ASIC2: variants seen among roughly 807,000 people sequenced by gnomAD.
The protein encoded by ASIC2 is acid sensing ion channel subunit 2, also known as acid-sensing ion channel 2.
ASIC2 carries 25 observed loss-of-function variants against 57.3 expected under a neutral mutation model. That is an observed-to-expected ratio of 0.44 (90% CI 0.32 to 0.61). The LOEUF (loss-of-function observed/expected upper bound fraction) is 0.61, where lower values mean the gene tolerates loss of function less well. Ranked by LOEUF, ASIC2 falls within the 20% of genes least tolerant of loss-of-function variation. The pLI, the probability that ASIC2 is intolerant of heterozygous loss-of-function variation, is 0.06. For synonymous variants in ASIC2, 319 were observed against 307.5 expected, an observed-to-expected ratio of 1.04 and a Z score of -0.39; for missense variants, 641 against 738.1, an observed-to-expected ratio of 0.87 and a Z score of 1.52.
chr17:33,848,215 A>G (rs1913666970), intron 1 of ASIC2, among the ~76,000 whole-genome samples: 1 of 152,144 alleles, frequency 6.6e-6, no homozygotes, highest in South Asian at 2.1e-4. Flanking sequence ...ATCCCATTCT[A>G]CTGGAGCTAA....
chr17:33,902,997 A>T (rs992777943), intron 1 of ASIC2, among the ~76,000 whole-genome samples: 3 of 152,158 alleles, frequency 2.0e-5, no homozygotes, highest in African/African-American at 7.2e-5. Flanking sequence ...AAAAATAATA[A>T]ATGTGAAGAG....
intron 1 of ASIC2, among the ~76,000 whole-genome samples, chr17:33,958,039 ATTAAACC>A (rs1022844874): frequency 3.3e-5 from 5 of 152,252 alleles, no homozygotes; most frequent in Admixed American, 3.3e-4. Flanking sequence ...TAGGGTAGTC[ATTAAACC>A]TTAAAGTTCC....
intron 1 of ASIC2, among the ~76,000 whole-genome samples, chr17:33,489,290 A>G (rs1382471021): frequency 6.6e-6 from 1 of 152,210 alleles, no homozygotes; most frequent in East Asian, 1.9e-4. Flanking sequence ...CTTCATGCTC[A>G]TGAAAACCCA....
At chr17:34,035,984 A>G (rs1388260289) in intron 1 of ASIC2, among the ~76,000 whole-genome samples, 1 of 151,874 alleles carries the variant, frequency 6.6e-6, no homozygotes, top group Non-Finnish European at 1.5e-5. Flanking sequence ...ACGATTCCTC[A>G]GAGATCTTGA....
intron 1 of ASIC2, among the ~76,000 whole-genome samples, chr17:33,439,260 T>C (rs932787983): frequency 1.3e-5 from 2 of 151,920 alleles, no homozygotes; most frequent in African/African-American, 4.8e-5. Flanking sequence ...CCACTCGGAG[T>C]GAAAGGGGAC....
intron 1 of ASIC2, among the ~76,000 whole-genome samples, chr17:33,651,050 A>G (rs995420336): frequency 5.3e-5 from 8 of 152,226 alleles, no homozygotes; most frequent in African/African-American, 1.7e-4. Flanking sequence ...ATGTAAATCT[A>G]AAAGTATTTT....
intron 1 of ASIC2, among the ~76,000 whole-genome samples, chr17:33,164,444 G>A (rs1037352283): frequency 1.5e-5 from 2 of 132,616 alleles, no homozygotes; most frequent in Non-Finnish European, 3.3e-5. Flanking sequence ...GCGGGTAATT[G>A]GATGCAGAGT....
chr17:33,188,987 CA>C (rs979159797), intron 1 of ASIC2, among the ~76,000 whole-genome samples: 1 of 151,862 alleles, frequency 6.6e-6, no homozygotes. Context: ...AAATGTATGA[CA>C]AAAAAGATGG....
At chr17:33,909,217 A>G (rs190974446) in intron 1 of ASIC2, among the ~76,000 whole-genome samples, 1 of 152,310 alleles carries the variant, frequency 6.6e-6, no homozygotes, top group Non-Finnish European at 1.5e-5. Flanking sequence ...GCAGTTTATT[A>G]CAATTCCTGT....
intron 1 of ASIC2, among the ~76,000 whole-genome samples, chr17:34,043,321 G>T (rs987317816): frequency 1.3e-5 from 2 of 152,036 alleles, no homozygotes; most frequent in African/African-American, 4.8e-5. Flanking sequence ...TTTTTTAAAG[G>T]TTATTACATG....
At chr17:33,403,011 T>G (rs535840229) in intron 1 of ASIC2, among the ~76,000 whole-genome samples, 1 of 152,314 alleles carries the variant, frequency 6.6e-6, no homozygotes, top group Admixed American at 6.5e-5. Context: ...ATACTGTTGG[T>G]GGGATCAATC....
At chr17:33,594,081 T>A (rs1007894848) in intron 1 of ASIC2, among the ~76,000 whole-genome samples, 7 of 152,260 alleles carry the variant, frequency 4.6e-5, no homozygotes, top group African/African-American at 1.7e-4. Context: ...ATGCAAGTCA[T>A]CTTGCTAGAT....
intron 1 of ASIC2, among the ~76,000 whole-genome samples, chr17:33,143,812 A>G (rs1047396428): frequency 2.0e-5 from 3 of 152,266 alleles, no homozygotes; most frequent in African/African-American, 7.2e-5. Flanking sequence ...ATTGAAGAAA[A>G]CAATCTTAGC....
intron 2 of ASIC2, among the ~76,000 whole-genome samples, chr17:33,108,616 G>A (rs1343742958): frequency 1.3e-5 from 2 of 152,144 alleles, no homozygotes; most frequent in Non-Finnish European, 2.9e-5. Context: ...CACCCGCATG[G>A]GACTCACCTC....
At chr17:33,095,227 G>T (rs1427866935) in intron 2 of ASIC2, among the ~76,000 whole-genome samples, 1 of 152,042 alleles carries the variant, frequency 6.6e-6, no homozygotes, top group Non-Finnish European at 1.5e-5. Context: ...GTTCCTCTTT[G>T]CTCATGCTAG....
intron 1 of ASIC2, among the ~76,000 whole-genome samples, chr17:33,177,572 A>G (rs1253189256): frequency 1.3e-5 from 2 of 152,072 alleles, no homozygotes; most frequent in African/African-American, 2.4e-5. Flanking sequence ...GGGATATATG[A>G]CCCACATTCT....
At chr17:33,252,441 G>A (rs577149194) in intron 1 of ASIC2, among the ~76,000 whole-genome samples, 1 of 152,292 alleles carries the variant, frequency 6.6e-6, no homozygotes, top group South Asian at 2.1e-4. Context: ...CTCTCTGGAT[G>A]TGTTGACACA....
chr17:33,038,968 T>TAGGAG (rs1280091581), intron 3 of ASIC2, among the ~76,000 whole-genome samples: 4 of 152,142 alleles, frequency 2.6e-5, no homozygotes, highest in Non-Finnish European at 5.9e-5. Flanking sequence ...CTTCCCTCCT[T>TAGGAG]TGTGTCTGCA....
intron 1 of ASIC2, among the ~76,000 whole-genome samples, chr17:33,734,093 A>G (rs1324268414): frequency 6.6e-6 from 1 of 151,872 alleles, no homozygotes; most frequent in African/African-American, 2.4e-5. Context: ...AAAATATGTC[A>G]TCTCCCCCCT....
Sources: gnomAD v4.1 joint callset for allele counts (sites outside exome capture counted in the v4.1 genomes callset) on GRCh38, gnomAD v4.1.1 for gene constraint, MANE v1.5 for transcripts, NCBI Gene and HGNC (gene_info 2026-07-23, HGNC 2026-07-21) for gene names.